EVI5: variants seen among roughly 807,000 people sequenced by gnomAD.
EVI5 encodes the protein ecotropic viral integration site 5.
Under a neutral mutation model 112.0 loss-of-function variants are expected in EVI5, and 73 were observed. That is an observed-to-expected ratio of 0.65 (90% CI 0.54 to 0.79). The LOEUF (loss-of-function observed/expected upper bound fraction) is 0.79, where lower values mean the gene tolerates loss of function less well. EVI5 is among the 30% of genes least tolerant of loss of function. The pLI is 0.00. For synonymous variants in EVI5, 305 were observed against 319.9 expected, an observed-to-expected ratio of 0.95 and a Z score of 0.50; for missense variants, 900 against 968.8, an observed-to-expected ratio of 0.93 and a Z score of 0.94.
chr1:92,687,069 C>T (rs1377021066), intron 9 of EVI5, among the ~76,000 whole-genome samples: 1 of 152,158 alleles, frequency 6.6e-6, no homozygotes, highest in Non-Finnish European at 1.5e-5. Flanking sequence ...CAAAAAAGAG[C>T]CCACATTGCC....
intron 1 of EVI5, among the ~76,000 whole-genome samples, chr1:92,760,331 G>C (rs1681617486): frequency 6.6e-6 from 1 of 152,146 alleles, no homozygotes; most frequent in Non-Finnish European, 1.5e-5. Context: ...CTGACCTGGA[G>C]CCTAAAAGCA....
intron 14 of EVI5, among the ~76,000 whole-genome samples, chr1:92,632,515 T>G (rs7523638): frequency 0.72 from 109,452 of 151,664 alleles, 40,306 homozygotes; most frequent in East Asian, 0.94. Context: ...TGTGGGATAG[T>G]TGGTGATATC....
intron 1 of EVI5, among the ~76,000 whole-genome samples, chr1:92,768,618 T>C (rs1312958663): frequency 1.3e-5 from 2 of 152,226 alleles, no homozygotes; most frequent in Admixed American, 1.3e-4. Flanking sequence ...CTGACATCTG[T>C]AATCCCAGGA....
chr1:92,578,090 G>A (rs964316540), intron 18 of EVI5, among the ~76,000 whole-genome samples: 10 of 152,112 alleles, frequency 6.6e-5, no homozygotes, highest in African/African-American at 2.4e-4. Context: ...TTTGGGTGGT[G>A]GTGCACTGCA....
intron 18 of EVI5, among the ~76,000 whole-genome samples, chr1:92,569,824 A>G (rs1670036873): frequency 7.0e-6 from 1 of 142,940 alleles, no homozygotes; most frequent in African/African-American, 2.6e-5. Context: ...ACTGCACTCC[A>G]GCCTGGCGAT....
intron 14 of EVI5, among the ~76,000 whole-genome samples, chr1:92,635,258 G>A (rs1009200717): frequency 2.6e-5 from 4 of 152,184 alleles, no homozygotes; most frequent in Admixed American, 6.5e-5. Flanking sequence ...CTTTTGATTC[G>A]CTATGCCCTG....
intron 19 of EVI5, among the ~76,000 whole-genome samples, chr1:92,521,521 T>C (rs1660927844): frequency 6.6e-6 from 1 of 152,040 alleles, no homozygotes; most frequent in African/African-American, 2.4e-5. Context: ...TGAAACCCTG[T>C]CTCTACTAAA....
intron 19 of EVI5, among the ~76,000 whole-genome samples, chr1:92,516,187 T>C (rs985632702): frequency 2.4e-4 from 37 of 152,206 alleles, no homozygotes; most frequent in Admixed American, 7.2e-4. Flanking sequence ...CTTTCTCTTT[T>C]TCCCCCAGAC....
At position 92,522,756 on chromosome 1, in the gene EVI5, A is replaced by ACATT. The variant is rs886526368; in HGVS notation, c.2167-8790_2167-8787dup. 1.2e-4 allele frequency among the ~76,000 whole-genome samples: 19 copies of ACATT among 152,028 alleles called. No individual in the cohort carries two copies. The East Asian group carries it at 2.9e-3, about 23-fold the overall frequency. ...CAGTTAGGTAAGTAAAAAGTTTAAA[A>ACATT]CATTCATTCATTCATTTATGAGACA... On this transcript the variant is annotated intron_variant, in intron 19 of 19. Transcript: ENST00000684568.
intron 18 of EVI5, among the ~76,000 whole-genome samples, chr1:92,583,308 G>A (rs1428208116): frequency 6.6e-6 from 1 of 151,740 alleles, no homozygotes; most frequent in African/African-American, 2.4e-5. Flanking sequence ...CAGAAGTTTT[G>A]AGACCAGCCT....
At chr1:92,590,983 T>C (rs1430055665) in intron 18 of EVI5, among the ~76,000 whole-genome samples, 1 of 152,204 alleles carries the variant, frequency 6.6e-6, no homozygotes, top group East Asian at 1.9e-4. Flanking sequence ...AAAAGAATTT[T>C]CAACCCAGAA....
At chr1:92,548,028 G>C (rs1177651341) in intron 19 of EVI5, among the ~76,000 whole-genome samples, 2 of 152,132 alleles carry the variant, frequency 1.3e-5, no homozygotes, top group Non-Finnish European at 2.9e-5. Flanking sequence ...ACCAAAGCCT[G>C]GCAGAGACAC....
intron 19 of EVI5, among the ~76,000 whole-genome samples, chr1:92,549,722 T>C (rs1557763317): frequency 1.3e-5 from 2 of 152,184 alleles, no homozygotes; most frequent in Non-Finnish European, 2.9e-5. Flanking sequence ...AGGAGACATT[T>C]ATGCAGCCAA....
chr1:92,783,482 T>A (rs11164811), intron 1 of EVI5, among the ~76,000 whole-genome samples: 78,278 of 109,740 alleles, frequency 0.71, 24,389 homozygotes, highest in East Asian at 0.91. Flanking sequence ...AGACTCAGCC[T>A]TAAAAAAAAA....
intron 19 of EVI5, among the ~76,000 whole-genome samples, chr1:92,516,588 T>C (rs1659923924): frequency 6.6e-6 from 1 of 152,156 alleles, no homozygotes; most frequent in Non-Finnish European, 1.5e-5. Flanking sequence ...AGGAGTCCTG[T>C]ACTAGGTCTG....
In EVI5 at chr1:92,784,459, G is replaced by A. The variant is rs764195802; in HGVS notation, c.-82+377C>T. 61 of 984,640 alleles carry A rather than the reference G, an allele frequency of 6.2e-5. No individual in the cohort carries two copies. In the Middle Eastern group the frequency reaches 1.6e-3, roughly 25 times the overall value. The allele number at this position is 984,640 out of a possible 1,614,324, so 61.0% of individuals were successfully genotyped here. A position where few individuals can be genotyped will look rare whatever the true frequency, so the allele number is the denominator to read the frequency against. ...GGGGGGCGAGTGCTCTCGCCCCTCAGGTCCCCAAAGGGAACCGACTTCTGG... is the reference window on the plus strand; with the variant it reads ...GGGGGGCGAGTGCTCTCGCCCCTCAAGTCCCCAAAGGGAACCGACTTCTGG... On this transcript the variant is annotated intron_variant, in intron 1 of 19. Transcript: ENST00000684568.
At chr1:92,735,692 T>C (rs1347994089) in intron 2 of EVI5, among the ~76,000 whole-genome samples, 1 of 141,238 alleles carries the variant, frequency 7.1e-6, no homozygotes, top group Non-Finnish European at 1.5e-5. Flanking sequence ...ATAACATATA[T>C]ATGATTGAAA....
Position 92,513,840 on chromosome 1 carries a change from A to G in EVI5, c.2297T>C (p.Leu766Ser), listed in dbSNP as rs1186923514. The G allele has an allele frequency of 6.2e-7, 1 of 1,613,890 alleles. No individual in the cohort carries two copies. Among genetic ancestry groups the G allele is most frequent in the South Asian group, 1.1e-5 (1 of 91,044 alleles). The change falls in exon 20 of 20, where the codon TTA becomes TCA. Residue 766 changes from leucine to serine, a missense_variant. Coordinates refer to ENST00000684568, the MANE Select transcript of EVI5 (RefSeq NM_001350197.2). ...SSDEDFIDNS[L>S]QETGVGFPLH... ...AGGAAAACCAACACCAGTTTCCTGTAAGGAATTATCTATAAAATCTTCATC... is the reference window on the plus strand; with the variant it reads ...AGGAAAACCAACACCAGTTTCCTGTGAGGAATTATCTATAAAATCTTCATC...
At position 92,508,715 on chromosome 1, in the gene EVI5, TTTAA is replaced by T. The variant is rs1406383589; in HGVS notation, c.*4937_*4940del. 10 of 152,754 alleles carry T rather than the reference TTTAA, an allele frequency of 6.5e-5. No homozygotes were observed. Among genetic ancestry groups the T allele is most frequent in the East Asian group, 1.9e-4 (1 of 5,192 alleles). The allele number at this position is 152,754 out of a possible 1,614,324, so 9.5% of individuals were successfully genotyped here. A position where few individuals can be genotyped will look rare whatever the true frequency, so the allele number is the denominator to read the frequency against. On this transcript the variant is annotated 3_prime_UTR_variant, in exon 20 of 20. Coordinates refer to ENST00000684568, the MANE Select transcript of EVI5 (RefSeq NM_001350197.2). ...CAGAAATTCTTATAAAATGGAAAAC[TTTAA>T]TTGTTTAAAGAAAAGGCACAAGTAA... is the stretch of plus-strand genomic sequence containing the variant.
Sources: allele counts gnomAD v4.1 joint callset (sites outside exome capture counted in the v4.1 genomes callset), GRCh38; gene constraint gnomAD v4.1.1; transcripts MANE v1.5; gene names NCBI Gene and HGNC (gene_info 2026-07-23, HGNC 2026-07-21).